KCTD20: variants seen among roughly 807,000 people sequenced by gnomAD.
KCTD20 encodes the protein BTB/POZ domain-containing protein KCTD20.
Under a neutral mutation model 39.6 loss-of-function variants are expected in KCTD20, and 30 were observed. The observed-to-expected ratio is 0.76, with a 90% confidence interval of 0.57 to 1.03. The LOEUF (loss-of-function observed/expected upper bound fraction) is 1.03, where lower values mean the gene tolerates loss of function less well. Ranked by LOEUF, KCTD20 falls within the 50% of genes least tolerant of loss-of-function variation. KCTD20 has a pLI of 0.00. For synonymous variants in KCTD20, 162 were observed against 180.6 expected (o/e 0.90, Z 0.83); for missense variants, 422 against 522.0 (o/e 0.81, Z 1.87).
chr6:36,477,087 G>A (rs1776085154), intron 3 of KCTD20, among the ~76,000 whole-genome samples: 2 of 152,158 alleles, frequency 1.3e-5, no homozygotes, highest in South Asian at 4.1e-4. Flanking sequence ...CAGCTGAATT[G>A]GCAAGGTCGT....
chr6:36,454,727 C>T (rs1471781939), intron 1 of KCTD20, among the ~76,000 whole-genome samples: 1 of 151,620 alleles, frequency 6.6e-6, no homozygotes, highest in African/African-American at 2.4e-5. Context: ...CAACCTCCGC[C>T]GCCGGGTTCA....
chr6:36,476,632 G>A (rs1426471928), intron 3 of KCTD20, among the ~76,000 whole-genome samples: 7 of 152,082 alleles, frequency 4.6e-5, no homozygotes, highest in Admixed American at 2.6e-4. Context: ...GTTTCACCAC[G>A]TTGGTCAGGC....
intron 1 of KCTD20, among the ~76,000 whole-genome samples, chr6:36,461,975 A>C (rs530944628): frequency 6.6e-6 from 1 of 152,200 alleles, no homozygotes; most frequent in Non-Finnish European, 1.5e-5. Context: ...TTTTCTTCCA[A>C]GTAGAAATGA....
At chr6:36,473,535 G>T (rs933246437) in intron 2 of KCTD20, among the ~76,000 whole-genome samples, 18 of 151,972 alleles carry the variant, frequency 1.2e-4, no homozygotes, top group African/African-American at 3.9e-4. Context: ...CACTCTGGGA[G>T]GCCAAGGCGG....
At chr6:36,485,739 G>A (rs1032681950) in intron 7 of KCTD20, among the ~76,000 whole-genome samples, 5 of 151,974 alleles carry the variant, frequency 3.3e-5, no homozygotes, top group Admixed American at 6.6e-5. Context: ...GTGATCCGCC[G>A]CCTCGGCCTC....
At chr6:36,453,687 ATTT>A (rs1178378834) in intron 1 of KCTD20, among the ~76,000 whole-genome samples, 6 of 151,516 alleles carry the variant, frequency 4.0e-5, no homozygotes, top group Admixed American at 1.3e-4. Flanking sequence ...CCAATTTTGT[ATTT>A]TTAGTAGAGA....
chr6:36,466,660 G>T (rs937393363), intron 1 of KCTD20, among the ~76,000 whole-genome samples: 2 of 151,910 alleles, frequency 1.3e-5, no homozygotes, highest in Non-Finnish European at 2.9e-5. Flanking sequence ...GAGACTACAG[G>T]TGTGAGCCAC....
At chr6:36,483,105 C>T (rs1329661276) in intron 6 of KCTD20, among the ~76,000 whole-genome samples, 6 of 136,892 alleles carry the variant, frequency 4.4e-5, no homozygotes, top group Non-Finnish European at 9.2e-5. Context: ...GGTAACAGAG[C>T]GAGACTCCGT....
chr6:36,475,068 T>C lies in KCTD20; in HGVS notation c.434+6T>C. On this transcript the variant is annotated splice_donor_region_variant and intron_variant, in intron 3 of 7. Coordinates refer to ENST00000373731, the MANE Select transcript of KCTD20 (RefSeq NM_173562.5). ...CCGGATACCATGCTGGGAAGGTAAC[T>C]GATGATAATTTTCTTCCAAATTCAT... 1 of 1,607,234 alleles carries C rather than the reference T, an allele frequency of 6.2e-7. No individual in the cohort carries two copies. Among genetic ancestry groups the C allele is most frequent in the Non-Finnish European group, 8.5e-7 (1 of 1,177,010 alleles).
chr6:36,467,329 T>C (rs1354995304), intron 1 of KCTD20, among the ~76,000 whole-genome samples: 1 of 42,314 alleles, frequency 2.4e-5, no homozygotes, highest in African/African-American at 1.0e-4. Flanking sequence ...TTTTTTTTTT[T>C]TTTTTTTTTT....
At chr6:36,448,015 G>GTGTATATATATATATATA (rs559687288) in intron 1 of KCTD20, among the ~76,000 whole-genome samples, 4 of 128,954 alleles carry the variant, frequency 3.1e-5, no homozygotes, top group African/African-American at 1.4e-4. Flanking sequence ...ATGTGTGTGT[G>GTGTATATATATATATATA]TATATATATA....
At chr6:36,475,323 A>G (rs1776032061) in intron 3 of KCTD20, among the ~76,000 whole-genome samples, 1 of 151,832 alleles carries the variant, frequency 6.6e-6, no homozygotes, top group Non-Finnish European at 1.5e-5. Flanking sequence ...GCGGGCACCT[A>G]TAATCCCAGC....
intron 5 of KCTD20, 142 bp downstream of exon 5, chr6:36,479,853 A>T (rs1776191341): frequency 2.9e-6 from 2 of 680,724 alleles, no homozygotes; most frequent in Non-Finnish European, 4.5e-6. Context: ...GTGCAGTGGC[A>T]CGATCTCGGC....
chr6:36,448,481 T>C (rs1328883261), intron 1 of KCTD20, among the ~76,000 whole-genome samples: 1 of 152,186 alleles, frequency 6.6e-6, no homozygotes, highest in Non-Finnish European at 1.5e-5. Flanking sequence ...CTCAAATCTC[T>C]TTTTTACAGG....
intron 1 of KCTD20, among the ~76,000 whole-genome samples, chr6:36,449,306 G>A (rs1252950250): frequency 2.6e-5 from 4 of 152,046 alleles, no homozygotes; most frequent in Non-Finnish European, 5.9e-5. Flanking sequence ...TAAACCTTTA[G>A]CTAGACACAG....
chr6:36,458,627 C>T (rs1775511677), intron 1 of KCTD20, among the ~76,000 whole-genome samples: 2 of 151,600 alleles, frequency 1.3e-5, no homozygotes, highest in African/African-American at 4.8e-5. Context: ...AAGTGATCCT[C>T]CTGCCTTGGC....
chr6:36,487,096 A>C lies in KCTD20; in HGVS notation c.1181A>C (p.His394Pro), dbSNP rs1163706766. The change falls in exon 8 of 8, where the codon CAT becomes CCT. Residue 394 changes from histidine to proline, a missense_variant. Coordinates refer to ENST00000373731, the MANE Select transcript of KCTD20 (RefSeq NM_173562.5). Reference protein sequence around the residue: ...DVLEDQEILMHHPPQVDELDR... With the variant: ...DVLEDQEILMPHPPQVDELDR... ...TTGGAGGACCAGGAGATATTAATGC[A>C]TCACCCACCCCAAGTGGATGAACTT... 2 of 1,614,178 alleles carry C rather than the reference A, an allele frequency of 1.2e-6. No homozygotes were observed. Among genetic ancestry groups the C allele is most frequent in the Non-Finnish European group, 1.7e-6 (2 of 1,180,020 alleles).
chr6:36,481,740 G>A lies in KCTD20; in HGVS notation c.837G>A (p.Met279Ile), dbSNP rs753841144. The A allele has an allele frequency of 6.2e-7, 1 of 1,614,140 alleles. No homozygotes were observed. The highest frequency in any genetic ancestry group is 1.7e-5 in the Admixed American group (1 of 60,012). ...VDWDEDHPPP[M>I]GEEYSQILYS... ...GGGATGAAGACCACCCTCCACCAAT[G>A]GGGGAGGAATATTCCCAAAGTAGGA... Residue 279 changes from methionine to isoleucine, a missense_variant, in exon 6 of 8, where the codon ATG becomes ATA. Transcript: ENST00000373731.
chr6:36,486,901 A>C lies in KCTD20; in HGVS notation c.986A>C (p.Glu329Ala). The C allele has an allele frequency of 6.2e-7, 1 of 1,612,834 alleles. No individual in the cohort carries two copies. The highest frequency in any genetic ancestry group is 8.5e-7 in the Non-Finnish European group (1 of 1,179,556). The change falls in exon 8 of 8, where the codon GAA becomes GCA. Residue 329 changes from glutamate to alanine, a missense_variant. By Grantham distance (107) the Glu-to-Ala change is moderately radical (BLOSUM62 -1). Transcript: ENST00000373731. ...IGIEGYPTCK[E>A]KIKRRPGGRS... ...ATTGCAGGTTACCCTACCTGTAAAG[A>C]AAAAATTAAGAGAAGGCCTGGCGGC... is the stretch of plus-strand genomic sequence containing the variant.
Sources: gnomAD v4.1 joint callset for allele counts (sites outside exome capture counted in the v4.1 genomes callset) on GRCh38, gnomAD v4.1.1 for gene constraint, MANE v1.5 for transcripts, NCBI Gene and HGNC (gene_info 2026-07-23, HGNC 2026-07-21) for gene names.